Variants in CHST12 observed in about 807,000 individuals in gnomAD.
CHST12 encodes the protein carbohydrate (chondroitin 4) sulfotransferase 12.
In CHST12, 23 loss-of-function variants were observed where a neutral mutation model predicts 27.9. The ratio of observed to expected loss-of-function variants is 0.82; its 90% CI spans 0.59 to 1.17. The LOEUF (loss-of-function observed/expected upper bound fraction) is 1.17, where lower values mean the gene tolerates loss of function less well. Ranked by LOEUF, CHST12 falls within the 50% of genes most tolerant of loss-of-function variation. The pLI, the probability that CHST12 is intolerant of heterozygous loss-of-function variation, is 0.00. For missense variants in CHST12, 682 were observed against 603.0 expected (o/e 1.13, Z -1.37); for synonymous variants, 322 against 273.0 (o/e 1.18, Z -1.77).
At chr7:2,425,976 G>C (rs1190988868) in intron 1 of CHST12, among the ~76,000 whole-genome samples, 1 of 152,114 alleles carries the variant, frequency 6.6e-6, no homozygotes, top group Non-Finnish European at 1.5e-5. Flanking sequence ...CTGGCAGAAG[G>C]CAGTAAGCTG....
At chr7:2,409,129 C>T (rs565934710) in intron 1 of CHST12, among the ~76,000 whole-genome samples, 3 of 152,282 alleles carry the variant, frequency 2.0e-5, no homozygotes, top group East Asian at 3.9e-4. Context: ...GATAGCCTCG[C>T]CGCAATGATA....
intron 1 of CHST12, among the ~76,000 whole-genome samples, chr7:2,418,061 T>C (rs1279024769): frequency 3.3e-5 from 5 of 152,240 alleles, no homozygotes; most frequent in African/African-American, 1.2e-4. Context: ...GCTAAGGCCA[T>C]AGCTGTCTGT....
chr7:2,403,593 G>A (rs553385524), upstream of CHST12: 14 of 151,564 alleles, frequency 9.2e-5, no homozygotes, highest in Non-Finnish European at 1.6e-4. Flanking sequence ...GGCGAGGGCT[G>A]CCTCTGGGGG....
Position 2,433,241 on chromosome 7 carries a change from G to C in CHST12, c.602G>C (p.Arg201Pro). The C allele has an allele frequency of 6.2e-7, 1 of 1,611,512 alleles. No homozygotes were observed. The highest frequency in any genetic ancestry group is 8.5e-7 in the Non-Finnish European group (1 of 1,178,804). Residue 201 changes from arginine (R) to proline (P), a missense_variant, in exon 2 of 2, where the codon CGC (arginine) becomes CCC (proline). Coordinates refer to ENST00000618655, the MANE Select transcript of CHST12 (RefSeq NM_018641.5). The surrounding 1 kb of genome is among the most constrained non-coding windows in gnomAD (Gnocchi z 6.1). Reference sequence around the variant, plus strand: ...GGTGCGCCCTACCGCGACCCGCTGCGCATCCCGCGCGAGCACGTGCACAAC... The same window carrying C: ...GGTGCGCCCTACCGCGACCCGCTGCCCATCCCGCGCGAGCACGTGCACAAC... ...HRGAPYRDPL[R>P]IPREHVHNAS... is the part of the protein sequence containing the mutation.
At chr7:2,424,831 T>C (rs890008927) in intron 1 of CHST12, among the ~76,000 whole-genome samples, 4 of 152,112 alleles carry the variant, frequency 2.6e-5, no homozygotes, top group Non-Finnish European at 4.4e-5. Context: ...CACAAGATGC[T>C]GTGGGAAAAG....
intron 1 of CHST12, among the ~76,000 whole-genome samples, chr7:2,428,345 C>T (rs1782188435): frequency 6.6e-6 from 1 of 152,032 alleles, no homozygotes; most frequent in South Asian, 2.1e-4. Context: ...CAGGCGTCCA[C>T]CACCATGCCC....
At chr7:2,421,049 G>C (rs1160412193) in intron 1 of CHST12, among the ~76,000 whole-genome samples, 2 of 150,836 alleles carry the variant, frequency 1.3e-5, no homozygotes, top group Non-Finnish European at 3.0e-5. Flanking sequence ...AATTTTATAT[G>C]ATAATTCTGT....
chr7:2,433,556 AC>A lies in CHST12; in HGVS notation c.919del (p.Leu307CysfsTer122), dbSNP rs1004783422. On this transcript the variant is annotated frameshift_variant, in exon 2 of 2. Coordinates refer to ENST00000618655, the MANE Select transcript of CHST12 (RefSeq NM_018641.5). LOFTEE classifies it high-confidence loss of function. The surrounding 1 kb of genome is among the most constrained non-coding windows in gnomAD (Gnocchi z 6.1). ...LKVSFANFIQ[Y>X]LLDPHTEKLA... ...GTGTCCTTCGCCAACTTCATCCAGT[AC>A]CTGCTGGACCCGCACACGGAGAAGC... 6.2e-7 allele frequency: 1 copy of A among 1,613,168 alleles called. No individual in the cohort carries two copies. The highest frequency in any genetic ancestry group is 8.5e-7 in the Non-Finnish European group (1 of 1,179,938).
In CHST12 at chr7:2,438,396, CT is replaced by C. The variant is rs1407607576; in HGVS notation, c.*4514del. ...GCAGCCCAGGGGAGCGGCTGAGACTCTTGGCAGAGAGCTGGGGACGCTCTGT... is the reference window on the plus strand; with the variant it reads ...GCAGCCCAGGGGAGCGGCTGAGACTCTGGCAGAGAGCTGGGGACGCTCTGT... On this transcript the variant is annotated 3_prime_UTR_variant, in exon 2 of 2. Transcript: ENST00000618655. 2.0e-5 allele frequency: 3 copies of C among 152,364 alleles called. No individual in the cohort carries two copies. In the East Asian group the frequency reaches 5.8e-4, roughly 29 times the overall value. The allele number at this position is 152,364 out of a possible 1,614,324, so 9.4% of individuals were successfully genotyped here.
chr7:2,440,488 AG>A lies in CHST12; in HGVS notation c.*6606del, dbSNP rs1782575578. ...GGTAGTGTTTGACCTGAACTCTGAA[AG>A]GCAGAGGGTCCCAGACTTTCCTGGG... is the stretch of plus-strand genomic sequence containing the variant. On this transcript the variant is annotated 3_prime_UTR_variant, in exon 2 of 2. Coordinates refer to ENST00000618655, the MANE Select transcript of CHST12 (RefSeq NM_018641.5). 6.6e-6 allele frequency: 1 copy of A among 152,396 alleles called. No homozygotes were observed. Among genetic ancestry groups the A allele is most frequent in the Admixed American group, 6.5e-5 (1 of 15,272 alleles). The allele number at this position is 152,396 out of a possible 1,614,324, so 9.4% of individuals were successfully genotyped here.
rs763389286 is a variant in CHST12 at position 2,432,686 on chromosome 7, T to C, written c.47T>C (p.Val16Ala). ...CGGCTGTGGCTGGTGCTGGGGTCGG[T>C]GTTCATGATCCTGCTGATCATCGTG... ...LFRLWLVLGS[V>A]FMILLIIVYW... The change falls in exon 2 of 2, where the codon GTG becomes GCG. Residue 16 changes from valine to alanine, a missense_variant. Val to Ala is a moderately conservative substitution (Grantham distance 64). Transcript: ENST00000618655. 2.5e-6 allele frequency: 4 copies of C among 1,612,868 alleles called. No homozygotes were observed. The highest frequency in any genetic ancestry group is 3.4e-6 in the Non-Finnish European group (4 of 1,179,470).
At chr7:2,424,965 G>A (rs1176529728) in intron 1 of CHST12, among the ~76,000 whole-genome samples, 1 of 152,172 alleles carries the variant, frequency 6.6e-6, no homozygotes, top group Admixed American at 6.5e-5. Flanking sequence ...CAGCACTTTG[G>A]GAGGCCGAGG....
intron 1 of CHST12, among the ~76,000 whole-genome samples, chr7:2,411,062 T>A (rs117543642): frequency 0.022 from 3,424 of 152,198 alleles, 53 homozygotes; most frequent in Middle Eastern, 0.11. Flanking sequence ...TTTACTTTTT[T>A]AAATTATTTA....
intron 1 of CHST12, among the ~76,000 whole-genome samples, chr7:2,415,873 C>A (rs1176779846): frequency 6.6e-6 from 1 of 152,154 alleles, no homozygotes; most frequent in East Asian, 1.9e-4. Flanking sequence ...CTCAGCCTCC[C>A]AAAGTGCTGG....
chr7:2,429,683 A>T (rs912889551), intron 1 of CHST12, among the ~76,000 whole-genome samples: 1 of 152,162 alleles, frequency 6.6e-6, no homozygotes, highest in African/African-American at 2.4e-5. Flanking sequence ...ATAGTTCCTT[A>T]TCCTTTCAAT....
At chr7:2,430,304 ATTTATTTATTCATT>A (rs1439163071) in intron 1 of CHST12, among the ~76,000 whole-genome samples, 4 of 151,198 alleles carry the variant, frequency 2.6e-5, no homozygotes, top group African/African-American at 9.7e-5. Context: ...TTTTATTTTT[ATTTATTTATTCATT>A]TTTATTTATT....
At chr7:2,420,954 T>A (rs1781957225) in intron 1 of CHST12, among the ~76,000 whole-genome samples, 1 of 152,188 alleles carries the variant, frequency 6.6e-6, no homozygotes, top group Non-Finnish European at 1.5e-5. Context: ...AACCTCTGCC[T>A]CCTGGGTTCA....
At chr7:2,426,459 G>A (rs1419312431) in intron 1 of CHST12, among the ~76,000 whole-genome samples, 1 of 152,128 alleles carries the variant, frequency 6.6e-6, no homozygotes, top group African/African-American at 2.4e-5. Context: ...GGGACCTATG[G>A]AGAGTGCATA....
Position 2,438,066 on chromosome 7 carries a change from G to T in CHST12, c.*4182G>T, listed in dbSNP as rs1465874870. 1 of 152,340 alleles carries T rather than the reference G, an allele frequency of 6.6e-6. No homozygotes were observed. The highest frequency in any genetic ancestry group is 1.5e-5 in the Non-Finnish European group (1 of 68,130). The allele number at this position is 152,340 out of a possible 1,614,324, so 9.4% of individuals were successfully genotyped here. On this transcript the variant is annotated 3_prime_UTR_variant, in exon 2 of 2. Transcript: ENST00000618655. The stretch of plus-strand genomic sequence containing the variant: ...TGGTCCTTGTGTGGGTCCAAGCAAA[G>T]TGGGTGGCGTGTGCATTTTGTGAAC...
Sources: gnomAD v4.1 joint callset for allele counts (sites outside exome capture counted in the v4.1 genomes callset) on GRCh38, gnomAD v4.1.1 for gene constraint, Gnocchi (gnomAD v3.1) non-coding constraint, MANE v1.5 for transcripts, NCBI Gene and HGNC (gene_info 2026-07-23, HGNC 2026-07-21) for gene names.